The following PAPSS2 variants were observed in gnomAD, a reference collection of about 807,000 sequenced individuals.
PAPSS2 encodes 3'-phosphoadenosine 5'-phosphosulfate synthase 2, also known as bifunctional 3'-phosphoadenosine 5'-phosphosulfate synthase 2.
PAPSS2 carries 61 observed loss-of-function variants against 66.5 expected under a neutral mutation model. That is an observed-to-expected ratio of 0.92 (90% confidence interval 0.75 to 1.14). PAPSS2 has a LOEUF of 1.14. Among genes scored for constraint, PAPSS2 ranks in the 50% most tolerant of loss-of-function variants. The probability of loss-of-function intolerance (pLI) is 0.00; values close to 1 mark genes in which losing one functional copy is unlikely to be tolerated. For missense variants in PAPSS2, 708 were observed against 789.6 expected (o/e 0.90, Z 1.24); for synonymous variants, 289 against 287.5 (o/e 1.01, Z -0.05).
chr10:87,675,208 T>A (rs890192568), intron 1 of PAPSS2, among the ~76,000 whole-genome samples: 4 of 152,266 alleles, frequency 2.6e-5, no homozygotes, highest in Non-Finnish European at 4.4e-5. Flanking sequence ...CATTTAGTAT[T>A]ACCTCTTTCT....
chr10:87,708,961 A>C (rs1206016334), intron 1 of PAPSS2, among the ~76,000 whole-genome samples: 1 of 152,196 alleles, frequency 6.6e-6, no homozygotes, highest in Non-Finnish European at 1.5e-5. Flanking sequence ...AGGTATGTAG[A>C]CTCACAGCTA....
At chr10:87,685,459 G>A (rs1278542686) in intron 1 of PAPSS2, among the ~76,000 whole-genome samples, 1 of 152,138 alleles carries the variant, frequency 6.6e-6, no homozygotes, top group Non-Finnish European at 1.5e-5. Context: ...GGAGGACAAG[G>A]CGGCTTGAGC....
At chr10:87,718,805 T>G (rs560067385) in intron 7 of PAPSS2, among the ~76,000 whole-genome samples, 2 of 152,340 alleles carry the variant, frequency 1.3e-5, no homozygotes, top group South Asian at 4.1e-4. Context: ...TTGCTTTAGT[T>G]CCACAGTGTT....
chr10:87,713,966 C>A, intron 3 of PAPSS2, 78 bp from the exon 4 acceptor site: 1 of 1,525,212 alleles, frequency 6.6e-7, no homozygotes. Context: ...CTATTGAAAA[C>A]CAAAGTACAC....
chr10:87,688,403 C>T (rs1853115053), intron 1 of PAPSS2, among the ~76,000 whole-genome samples: 1 of 146,394 alleles, frequency 6.8e-6, no homozygotes, highest in African/African-American at 2.6e-5. Context: ...CTTTCTTCTT[C>T]AGAGGAAAAC....
chr10:87,687,164 G>A (rs1853099216), intron 1 of PAPSS2, among the ~76,000 whole-genome samples: 1 of 152,168 alleles, frequency 6.6e-6, no homozygotes, highest in Admixed American at 6.5e-5. Flanking sequence ...GACTTTAGGA[G>A]CTGCAGGCCT....
At chr10:87,694,125 C>G (rs1440019599) in intron 1 of PAPSS2, among the ~76,000 whole-genome samples, 1 of 152,198 alleles carries the variant, frequency 6.6e-6, no homozygotes, top group Non-Finnish European at 1.5e-5. Context: ...CAAACATTAG[C>G]AGGAACTATA....
chr10:87,674,819 T>G (rs1241626234), intron 1 of PAPSS2, among the ~76,000 whole-genome samples: 1 of 152,232 alleles, frequency 6.6e-6, no homozygotes, highest in Middle Eastern at 3.2e-3. Context: ...TAATTCTTTT[T>G]CTTTTATTGG....
At position 87,713,208 on chromosome 10, in the gene PAPSS2, T is replaced by TG; in HGVS notation, c.283dup (p.Asp95GlyfsTer11). The TG allele has an allele frequency of 6.2e-7, 1 of 1,609,596 alleles. No homozygotes were observed. The highest frequency in any genetic ancestry group is 8.5e-7 in the Non-Finnish European group (1 of 1,178,538). On this transcript the variant is annotated frameshift_variant, in exon 3 of 13. Transcript: ENST00000456849. LOFTEE classifies it high-confidence loss of function. ...TTAACAGAAATCTCGGATTCTCTCC[T>TG]GGGGACAGAGAGGAAAATATCCGCC... is the stretch of plus-strand genomic sequence containing the variant.
At chr10:87,678,447 A>G (rs1413444957) in intron 1 of PAPSS2, among the ~76,000 whole-genome samples, 1 of 152,186 alleles carries the variant, frequency 6.6e-6, no homozygotes, top group African/African-American at 2.4e-5. Context: ...AGACAAATTG[A>G]ACTATATTAA....
chr10:87,736,230 A>G (rs1465136786), intron 9 of PAPSS2, among the ~76,000 whole-genome samples: 2 of 151,918 alleles, frequency 1.3e-5, no homozygotes, highest in Non-Finnish European at 2.9e-5. Flanking sequence ...TAGAAAAAAA[A>G]CAAAGGTTGC....
chr10:87,715,339 T>G (rs1220152098), intron 6 of PAPSS2, among the ~76,000 whole-genome samples: 1 of 152,218 alleles, frequency 6.6e-6, no homozygotes, highest in Non-Finnish European at 1.5e-5. Flanking sequence ...ACTTCTGTAT[T>G]TGCATTGGAC....
chr10:87,688,851 A>C (rs981475265), intron 1 of PAPSS2, among the ~76,000 whole-genome samples: 1 of 152,076 alleles, frequency 6.6e-6, no homozygotes, highest in African/African-American at 2.4e-5. Flanking sequence ...TCTTTTTCTT[A>C]ATTGCTTGAA....
chr10:87,713,033 C>A, intron 2 of PAPSS2, 42 bp from the exon 3 acceptor site: 1 of 1,060,172 alleles, frequency 9.4e-7, no homozygotes, highest in Non-Finnish European at 1.5e-6. Context: ...TCATCTTAAA[C>A]TATCCAGGCC....
chr10:87,667,771 G>A (rs1852831632), intron 1 of PAPSS2, among the ~76,000 whole-genome samples: 1 of 152,274 alleles, frequency 6.6e-6, no homozygotes, highest in East Asian at 1.9e-4. Context: ...CATATAGCCT[G>A]TGACAATAAA....
In PAPSS2 at chr10:87,725,281, G is replaced by T. The variant is rs9943419; in HGVS notation, c.881-2003G>T. ...GTAGTTTTCCTGTCTCTTCCTTTGT[G>T]GTCCAGCTGTCATTGGACATTTCTT... On this transcript the variant is annotated intron_variant, in intron 8 of 12. Transcript: ENST00000456849. Among the ~76,000 whole-genome samples, 748 of 152,204 alleles carry T rather than the reference G, an allele frequency of 4.9e-3. 7 individuals carry two copies. Among genetic ancestry groups the T allele is most frequent in the African/African-American group, 0.017 (693 of 41,516 alleles).
intron 1 of PAPSS2, among the ~76,000 whole-genome samples, chr10:87,675,918 C>T (rs554757670): frequency 4.0e-5 from 6 of 151,766 alleles, no homozygotes; most frequent in African/African-American, 7.3e-5. Context: ...TGAGGGCCAC[C>T]GGCTCAGATG....
intron 8 of PAPSS2, among the ~76,000 whole-genome samples, chr10:87,722,641 C>A (rs1853610947): frequency 6.6e-6 from 1 of 152,062 alleles, no homozygotes. Context: ...CAGTGCCCAC[C>A]AGAGCCAAAT....
chr10:87,741,018 C>CA (rs1189255154), intron 9 of PAPSS2, among the ~76,000 whole-genome samples: 4 of 152,050 alleles, frequency 2.6e-5, no homozygotes, highest in Non-Finnish European at 4.4e-5. Context: ...CTATAACCCA[C>CA]AAAAATGAAA....
Sources: gnomAD v4.1 joint callset for allele counts (sites outside exome capture counted in the v4.1 genomes callset) on GRCh38, gnomAD v4.1.1 for gene constraint, MANE v1.5 for transcripts, NCBI Gene and HGNC (gene_info 2026-07-23, HGNC 2026-07-21) for gene names.